SLC4A10: variants seen among roughly 807,000 people sequenced by gnomAD.
SLC4A10 encodes solute carrier family 4 member 10.
Under a neutral mutation model 137.7 loss-of-function variants are expected in SLC4A10, and 42 were observed. The observed-to-expected ratio is 0.30, with a 90% CI of 0.24 to 0.39. SLC4A10 has a LOEUF of 0.39. SLC4A10 is among the 10% of genes least tolerant of loss of function. The pLI is 1.00. For missense variants in SLC4A10, 925 were observed against 1,355.0 expected (o/e 0.68, Z 4.98); for synonymous variants, 474 against 464.1 (o/e 1.02, Z -0.27).
intron 8 of SLC4A10, among the ~76,000 whole-genome samples, chr2:161,874,393 G>A (rs746333820): frequency 5.9e-5 from 9 of 152,146 alleles, no homozygotes; most frequent in Non-Finnish European, 1.0e-4. Flanking sequence ...TACACTGATT[G>A]TGTATCTCCA....
intron 15 of SLC4A10, among the ~76,000 whole-genome samples, chr2:161,916,197 T>G (rs1687080268): frequency 2.0e-5 from 3 of 152,232 alleles, no homozygotes; most frequent in Admixed American, 2.0e-4. Flanking sequence ...GAATAAATGT[T>G]TGTATTTTAG....
rs550191214 is a variant in SLC4A10 at position 161,765,422 on chromosome 2, T to A, written c.49-5551T>A. ...AGGAGTTCAAGACCAGGTTGGCCAA[T>A]GTGGCAAAACCCCGTTTCTACTAAA... is the stretch of plus-strand genomic sequence containing the variant. On this transcript the variant is annotated intron_variant, in intron 1 of 26. Coordinates refer to ENST00000446997, the MANE Select transcript of SLC4A10 (RefSeq NM_001178015.2). Among the ~76,000 whole-genome samples the A allele has an allele frequency of 1.7e-4, 26 of 151,940 alleles. No homozygotes were observed. The East Asian group carries it at 5.1e-3, about 30-fold the overall frequency.
chr2:161,683,863 T>G (rs1339660126), intron 1 of SLC4A10, among the ~76,000 whole-genome samples: 2 of 152,192 alleles, frequency 1.3e-5, no homozygotes, highest in Non-Finnish European at 2.9e-5. Context: ...CATTCCATTT[T>G]TTTTGTTGTG....
intron 2 of SLC4A10, among the ~76,000 whole-genome samples, chr2:161,790,056 G>A (rs775034687): frequency 3.9e-4 from 59 of 152,108 alleles, no homozygotes; most frequent in Admixed American, 2.5e-3. Context: ...CTAGTAAGTC[G>A]TATGGCAGTG....
At chr2:161,715,312 A>G (rs1426393232) in intron 1 of SLC4A10, among the ~76,000 whole-genome samples, 2 of 152,058 alleles carry the variant, frequency 1.3e-5, no homozygotes, top group African/African-American at 4.8e-5. Flanking sequence ...AACTGAAACT[A>G]CTGTGAAAGA....
At chr2:161,942,752 AG>A (rs1270683345) in intron 15 of SLC4A10, 39 bp from the exon 16 acceptor site, 1 of 1,491,884 alleles carries the variant, frequency 6.7e-7, no homozygotes, top group Admixed American at 1.9e-5. Flanking sequence ...AGTCACAAAA[AG>A]CTACTTATTT....
intron 1 of SLC4A10, among the ~76,000 whole-genome samples, chr2:161,744,039 CTT>C (rs1226796837): frequency 1.3e-5 from 2 of 151,972 alleles, no homozygotes; most frequent in Non-Finnish European, 2.9e-5. Context: ...TTTGTGGAGT[CTT>C]TACTTTCTTT....
intron 1 of SLC4A10, among the ~76,000 whole-genome samples, chr2:161,680,239 T>C (rs1056623892): frequency 1.3e-5 from 2 of 152,158 alleles, no homozygotes; most frequent in Non-Finnish European, 2.9e-5. Context: ...TGTGAACTTA[T>C]TAAGGGCAAG....
chr2:161,670,089 AAATT>A (rs2039516032), intron 1 of SLC4A10, among the ~76,000 whole-genome samples: 1 of 152,132 alleles, frequency 6.6e-6, no homozygotes, highest in Non-Finnish European at 1.5e-5. Context: ...AGTGAAGATC[AAATT>A]AATTAATACA....
intron 2 of SLC4A10, among the ~76,000 whole-genome samples, chr2:161,777,619 C>CA (rs983585262): frequency 6.6e-6 from 1 of 151,942 alleles, no homozygotes; most frequent in Non-Finnish European, 1.5e-5. Flanking sequence ...ACATGGATGG[C>CA]AGCAGGCAGA....
At chr2:161,781,442 T>G (rs2053003973) in intron 2 of SLC4A10, among the ~76,000 whole-genome samples, 1 of 152,062 alleles carries the variant, frequency 6.6e-6, no homozygotes, top group African/African-American at 2.4e-5. Context: ...AAAAACTGTA[T>G]TTTGCTTGGG....
At chr2:161,737,011 C>T (rs1574660869) in intron 1 of SLC4A10, among the ~76,000 whole-genome samples, 2 of 151,814 alleles carry the variant, frequency 1.3e-5, no homozygotes, top group African/African-American at 2.4e-5. Context: ...CAGGTATGCA[C>T]GACCATGCCC....
chr2:161,862,005 A>G (rs1449270763), intron 5 of SLC4A10, among the ~76,000 whole-genome samples: 1 of 152,220 alleles, frequency 6.6e-6, no homozygotes, highest in Non-Finnish European at 1.5e-5. Flanking sequence ...TGCCTAAAAA[A>G]CAATTAGAGT....
intron 1 of SLC4A10, among the ~76,000 whole-genome samples, chr2:161,755,772 T>A (rs975087310): frequency 2.1e-4 from 27 of 129,826 alleles, no homozygotes; most frequent in African/African-American, 8.9e-4. Flanking sequence ...GTTCCTTAAA[T>A]TTTTTTTTTT....
intron 9 of SLC4A10, among the ~76,000 whole-genome samples, chr2:161,879,600 C>G (rs1302209048): frequency 1.5e-5 from 2 of 129,090 alleles, no homozygotes; most frequent in Admixed American, 1.7e-4. Flanking sequence ...AACATGTTAG[C>G]TTTTTCTCAA....
intron 2 of SLC4A10, among the ~76,000 whole-genome samples, chr2:161,780,634 G>A (rs1229856037): frequency 1.3e-5 from 2 of 151,938 alleles, no homozygotes; most frequent in Admixed American, 6.6e-5. Context: ...TTTCTTCAGA[G>A]CGGCTCATAT....
intron 1 of SLC4A10, among the ~76,000 whole-genome samples, chr2:161,627,406 G>A (rs528641630): frequency 6.6e-6 from 1 of 152,190 alleles, no homozygotes; most frequent in East Asian, 1.9e-4. Context: ...GCCAAGATTA[G>A]ATATGGGACA....
rs533989921 is a variant in SLC4A10 at position 161,716,724 on chromosome 2, T to C, written c.49-54249T>C. ...GTTACTGTAGCCTTGTAGTACAGTT[T>C]GAAGTTGGGTAGGGTGATGTTGCCA... On this transcript the variant is annotated intron_variant, in intron 1 of 26. Transcript: ENST00000446997. Among the ~76,000 whole-genome samples, 4 of 152,336 alleles carry C rather than the reference T, an allele frequency of 2.6e-5. No homozygotes were observed. The East Asian group carries it at 7.7e-4, about 29-fold the overall frequency.
chr2:161,858,147 T>C (rs1161585439), intron 5 of SLC4A10, among the ~76,000 whole-genome samples: 2 of 152,210 alleles, frequency 1.3e-5, no homozygotes, highest in Non-Finnish European at 2.9e-5. Context: ...TAGTCACTAG[T>C]TTCAGTTTTA....
Sources: allele counts gnomAD v4.1 joint callset (sites outside exome capture counted in the v4.1 genomes callset), GRCh38; gene constraint gnomAD v4.1.1; transcripts MANE v1.5; gene names NCBI Gene and HGNC (gene_info 2026-07-23, HGNC 2026-07-21).